Variants in ZNF843 observed in about 807,000 individuals in gnomAD.
ZNF843 encodes zinc finger protein 843.
For synonymous variants in ZNF843, 185 were observed against 207.7 expected, an observed-to-expected ratio of 0.89 and a Z score of 0.94; for missense variants, 482 against 469.4, an observed-to-expected ratio of 1.03 and a Z score of -0.25.
chr16:31,439,145 G>C (rs2082193184), intron 1 of ZNF843, among the ~76,000 whole-genome samples: 1 of 151,458 alleles, frequency 6.6e-6, no homozygotes. Context: ...GAACTTAAAA[G>C]TATAATGATA....
rs2082175957 is a variant in ZNF843 at position 31,435,671 on chromosome 16, C to T, written c.*132G>A. 10 of 860,760 alleles carry T rather than the reference C, an allele frequency of 1.2e-5. No individual in the cohort carries two copies. The highest frequency in any genetic ancestry group is 1.7e-5 in the Non-Finnish European group (10 of 599,512). 53.3% of individuals were successfully genotyped at this position (860,760 alleles called of 1,614,324 possible). ...AAAACAAACAAAATAGCCCCCAGCA[C>T]TTCTGAGAAAGATCTGCCATACAGA... On this transcript the variant is annotated 3_prime_UTR_variant, in exon 2 of 2. Coordinates refer to ENST00000315678, the MANE Select transcript of ZNF843 (RefSeq NM_001136509.3).
intron 1 of ZNF843, among the ~76,000 whole-genome samples, chr16:31,441,254 C>G (rs2082200277): frequency 6.6e-6 from 1 of 152,190 alleles, no homozygotes; most frequent in Non-Finnish European, 1.5e-5. Context: ...TAGGCCCTAC[C>G]TACCTTCCTC....
intron 1 of ZNF843, among the ~76,000 whole-genome samples, chr16:31,439,828 C>T (rs2142884693): frequency 6.6e-6 from 1 of 152,288 alleles, no homozygotes; most frequent in East Asian, 1.9e-4. Flanking sequence ...TGTACACATT[C>T]ACCAAAAACC....
rs1189691462 is a variant in ZNF843, at chr16:31,436,935, AC to A, written c.-87del. ...GGCGCAGCTGTGGGGCCTCTGCCGC[AC>A]TCAGGCTTCCCGTGGCCACGAGCTC... On this transcript the variant is annotated 5_prime_UTR_variant, in exon 2 of 2. In the 5' UTR this introduces an upstream ATG that the reference lacks. Transcript: ENST00000315678. 6 of 1,319,522 alleles carry A rather than the reference AC, an allele frequency of 4.5e-6. No homozygotes were observed. In the East Asian group the frequency reaches 1.5e-4, roughly 34 times the overall value. The allele number at this position is 1,319,522 out of a possible 1,614,324, so 81.7% of individuals were successfully genotyped here. A position where few individuals can be genotyped will look rare whatever the true frequency, so the allele number is the denominator to read the frequency against.
chr16:31,440,438 T>C (rs1342020565), intron 1 of ZNF843, among the ~76,000 whole-genome samples: 1 of 152,256 alleles, frequency 6.6e-6, no homozygotes, highest in Non-Finnish European at 1.5e-5. Flanking sequence ...TTTTGCTCTC[T>C]GAAAAATAAG....
At chr16:31,439,007 G>A (rs1434700407) in intron 1 of ZNF843, among the ~76,000 whole-genome samples, 11 of 136,302 alleles carry the variant, frequency 8.1e-5, no homozygotes, top group Non-Finnish European at 1.6e-4. Context: ...GTTGTGGGGT[G>A]GGGGGAGGGG....
intron 1 of ZNF843, among the ~76,000 whole-genome samples, chr16:31,441,862 C>G (rs1196348062): frequency 6.6e-6 from 1 of 152,180 alleles, no homozygotes; most frequent in Admixed American, 6.5e-5. Context: ...GACTCAATGT[C>G]ACAAGATAAA....
chr16:31,440,855 G>A (rs2082198904), intron 1 of ZNF843, among the ~76,000 whole-genome samples: 2 of 152,196 alleles, frequency 1.3e-5, no homozygotes, highest in African/African-American at 4.8e-5. Flanking sequence ...GGGAGTCAGG[G>A]GGACCTGTTA....
Position 31,436,965 on chromosome 16 carries a change from G to T in ZNF843, c.-116C>A. The T allele has an allele frequency of 9.7e-7, 1 of 1,028,924 alleles. No homozygotes were observed. Among genetic ancestry groups the T allele is most frequent in the Non-Finnish European group, 1.4e-6 (1 of 716,272 alleles). 63.7% of individuals were successfully genotyped at this position (1,028,924 alleles called of 1,614,324 possible). ...GGCTTCCCGTGGCCACGAGCTCACA[G>T]TCTGGGAGCAGCACCCGGCCCCAGG... is the stretch of plus-strand genomic sequence containing the variant. On this transcript the variant is annotated 5_prime_UTR_variant, in exon 2 of 2. In the 5' UTR this introduces an upstream ATG that the reference lacks. Coordinates refer to ENST00000315678, the MANE Select transcript of ZNF843 (RefSeq NM_001136509.3).
intron 1 of ZNF843, among the ~76,000 whole-genome samples, chr16:31,442,207 CCCA>C (rs994569793): frequency 1.3e-4 from 20 of 152,372 alleles, no homozygotes; most frequent in African/African-American, 4.6e-4. Flanking sequence ...CACGGAACGC[CCCA>C]CCAAGCCTCG....
chr16:31,437,447 T>C (rs946159162), intron 1 of ZNF843, among the ~76,000 whole-genome samples: 1 of 150,564 alleles, frequency 6.6e-6, no homozygotes, highest in Non-Finnish European at 1.5e-5. Flanking sequence ...GGGACTGTAG[T>C]TGCACACCAC....
Position 31,435,627 on chromosome 16 carries a change from G to T in ZNF843, c.*176C>A. 1.7e-6 allele frequency: 1 copy of T among 594,778 alleles called. No homozygotes were observed. Among genetic ancestry groups the T allele is most frequent in the Non-Finnish European group, 2.7e-6 (1 of 370,610 alleles). 36.8% of individuals were successfully genotyped at this position (594,778 alleles called of 1,614,324 possible). A position where few individuals can be genotyped will look rare whatever the true frequency, so the allele number is the denominator to read the frequency against. The stretch of plus-strand genomic sequence containing the variant: ...ATCCCTTAATGTATAAGGGAAAGGA[G>T]CGAGAATTCAGGGGAAAAAAAACAA... On this transcript the variant is annotated 3_prime_UTR_variant, in exon 2 of 2. Transcript: ENST00000315678.
chr16:31,436,445 TG>T lies in ZNF843; in HGVS notation c.404del (p.Pro135GlnfsTer280). The T allele has an allele frequency of 6.4e-7, 1 of 1,551,676 alleles. No homozygotes were observed. Among genetic ancestry groups the T allele is most frequent in the Non-Finnish European group, 8.7e-7 (1 of 1,146,976 alleles). The stretch of plus-strand genomic sequence containing the variant: ...GACACACTCTCCTGTGTGAATTCGC[TG>T]GTGGCCGATCAGCTTCCACCGGTCC... ...FWGPVEADRPPANSHRRVCPF... is the reference protein window; with the variant it reads ...FWGPVEADRPXANSHRRVCPF... On this transcript the variant is annotated frameshift_variant, in exon 2 of 2. Coordinates refer to ENST00000315678, the MANE Select transcript of ZNF843 (RefSeq NM_001136509.3). LOFTEE classifies it low-confidence loss of function (END_TRUNC).
chr16:31,439,846 T>C (rs1414471222), intron 1 of ZNF843, among the ~76,000 whole-genome samples: 3 of 152,218 alleles, frequency 2.0e-5, no homozygotes, highest in African/African-American at 7.2e-5. Flanking sequence ...ACCAGCAACC[T>C]GTACACTTAA....
intron 1 of ZNF843, among the ~76,000 whole-genome samples, chr16:31,439,522 T>C (rs2082194446): frequency 6.6e-6 from 1 of 152,220 alleles, no homozygotes; most frequent in African/African-American, 2.4e-5. Context: ...AAGAATAAAG[T>C]GTGGTTTACC....
rs936300255 is a variant in ZNF843, at chr16:31,436,674, C to G, written c.176G>C (p.Arg59Pro). Residue 59 changes from arginine (R) to proline (P), a missense_variant, in exon 2 of 2, where the codon CGA becomes CCA. Arg to Pro is a moderately radical substitution (Grantham distance 103). Coordinates refer to ENST00000315678, the MANE Select transcript of ZNF843 (RefSeq NM_001136509.3). ...CACTGGGGACAGCGACAAGGTCTCT[C>G]GCCAGTCGCTGTGGACCCGCCAGTG... ...LQHWRVHSDWRETLSLSPVRQ... is the reference protein window; with the variant it reads ...LQHWRVHSDWPETLSLSPVRQ... 1 of 1,551,380 alleles carries G rather than the reference C, an allele frequency of 6.4e-7. No individual in the cohort carries two copies. The highest frequency in any genetic ancestry group is 8.7e-7 in the Non-Finnish European group (1 of 1,146,986).
chr16:31,441,689 G>T, intron 1 of ZNF843, among the ~76,000 whole-genome samples: 1 of 146,132 alleles, frequency 6.8e-6, no homozygotes, highest in Non-Finnish European at 1.5e-5. Flanking sequence ...GGATCTCATT[G>T]TTGCCTACGC....
chr16:31,435,885 G>A lies in ZNF843; in HGVS notation c.965C>T (p.Ser322Leu). Residue 322 changes from serine to leucine, a missense_variant, in exon 2 of 2, where the codon TCG (serine) becomes TTG (leucine). Coordinates refer to ENST00000315678, the MANE Select transcript of ZNF843 (RefSeq NM_001136509.3). ...TAGGGCTCCTCTCCAGTGTGGGTTC[G>A]AGGGCGGTGGAGGAGCTCGGCACTG... ...QRQCRAPPPP[S>L]NPHWRGALPV... 6.5e-7 allele frequency: 1 copy of A among 1,540,386 alleles called. No homozygotes were observed.
chr16:31,436,899 TTGCCGCACTTGGCGCAGCTGTGGGGCCTC>T lies in ZNF843; in HGVS notation c.-79_-51del, dbSNP rs1456124469. 10 of 1,448,152 alleles carry T rather than the reference TTGCCGCACTTGGCGCAGCTGTGGGGCCTC, an allele frequency of 6.9e-6. No homozygotes were observed. In the East Asian group the frequency reaches 2.5e-4, roughly 36 times the overall value. 89.7% of individuals were successfully genotyped at this position (1,448,152 alleles called of 1,614,324 possible). On this transcript the variant is annotated 5_prime_UTR_variant, in exon 2 of 2. Coordinates refer to ENST00000315678, the MANE Select transcript of ZNF843 (RefSeq NM_001136509.3). ...TCAGGGAGTAACTGTACGGGAGGCTTTGCCGCACTTGGCGCAGCTGTGGGGCCTCTGCCGCACTCAGGCTTCCCGTGGCC... is the reference window on the plus strand; with the variant it reads ...TCAGGGAGTAACTGTACGGGAGGCTTTGCCGCACTCAGGCTTCCCGTGGCC...
Sources: allele counts gnomAD v4.1 joint callset (sites outside exome capture counted in the v4.1 genomes callset), GRCh38; gene constraint gnomAD v4.1.1; transcripts MANE v1.5; gene names NCBI Gene and HGNC (gene_info 2026-07-23, HGNC 2026-07-21).